SCAPER: variants seen among roughly 807,000 people sequenced by gnomAD.
The protein encoded by SCAPER is S-phase cyclin A associated protein in the ER.
SCAPER carries 98 observed loss-of-function variants against 182.2 expected under a neutral mutation model. That is an observed-to-expected ratio of 0.54 (90% CI 0.46 to 0.64). The LOEUF (loss-of-function observed/expected upper bound fraction) is 0.64. Among genes scored for constraint, SCAPER ranks in the 30% least tolerant of loss-of-function variants. The pLI, the probability that SCAPER is intolerant of heterozygous loss-of-function variation, is 0.00. For synonymous variants in SCAPER, 605 were observed against 564.6 expected, an observed-to-expected ratio of 1.07 and a Z score of -1.01; for missense variants, 1,432 against 1,690.0, an observed-to-expected ratio of 0.85 and a Z score of 2.68.
intron 20 of SCAPER, among the ~76,000 whole-genome samples, chr15:76,679,767 G>A (rs2057581424): frequency 6.6e-6 from 1 of 152,150 alleles, no homozygotes; most frequent in South Asian, 2.1e-4. Flanking sequence ...TCTGGTAGGT[G>A]GCAATGATGA....
chr15:76,588,543 C>A (rs147955621), intron 22 of SCAPER, among the ~76,000 whole-genome samples: 39 of 152,236 alleles, frequency 2.6e-4, no homozygotes, highest in Non-Finnish European at 4.9e-4. Context: ...GAATTCTTAC[C>A]CATTCTGCAA....
intron 21 of SCAPER, among the ~76,000 whole-genome samples, chr15:76,644,086 G>T (rs2054337332): frequency 6.6e-6 from 1 of 152,096 alleles, no homozygotes; most frequent in African/African-American, 2.4e-5. Flanking sequence ...GACTAGGCCG[G>T]CAGTTTTTAA....
intron 22 of SCAPER, among the ~76,000 whole-genome samples, chr15:76,585,666 A>G (rs894836009): frequency 2.0e-5 from 3 of 152,172 alleles, no homozygotes; most frequent in South Asian, 2.1e-4. Context: ...AGGTAAATCA[A>G]TTCTGAACCT....
chr15:76,489,968 C>A (rs1046532389), intron 24 of SCAPER, among the ~76,000 whole-genome samples: 2 of 152,148 alleles, frequency 1.3e-5, no homozygotes, highest in African/African-American at 4.8e-5. Context: ...TCACATATTG[C>A]AGGATTTCCT....
At chr15:76,711,104 A>C (rs1380908008) in intron 17 of SCAPER, among the ~76,000 whole-genome samples, 1 of 152,212 alleles carries the variant, frequency 6.6e-6, no homozygotes, top group South Asian at 2.1e-4. Flanking sequence ...TTCTTGAAGT[A>C]AACACAGAAG....
At chr15:76,419,261 G>A (rs373927196) in intron 26 of SCAPER, among the ~76,000 whole-genome samples, 7 of 151,630 alleles carry the variant, frequency 4.6e-5, no homozygotes, top group East Asian at 1.9e-4. Flanking sequence ...CCCAGGAGGC[G>A]GAGGCTGTGG....
Position 76,354,551 on chromosome 15 carries a change from T to G in SCAPER, c.3856-411A>C. 6.0e-6 allele frequency: 1 copy of G among 166,050 alleles called. No individual in the cohort carries two copies. Among genetic ancestry groups the G allele is most frequent in the Non-Finnish European group, 1.3e-5 (1 of 77,828 alleles). 10.3% of individuals were successfully genotyped at this position (166,050 alleles called of 1,614,324 possible). A position where few individuals can be genotyped will look rare whatever the true frequency, so the allele number is the denominator to read the frequency against. ...GAAAGTAAGGCCCTGCCCACTGCAG[T>G]CTTCCCTTAGCTTAGCTCACTGAAT... On this transcript the variant is annotated intron_variant, in intron 29 of 31. Transcript: ENST00000563290. This position sits in a 1 kb window ranked among gnomAD's most constrained non-coding sequence, Gnocchi z 4.4.
At chr15:76,379,411 G>C (rs1386339196) in intron 28 of SCAPER, among the ~76,000 whole-genome samples, 1 of 152,194 alleles carries the variant, frequency 6.6e-6, no homozygotes, top group African/African-American at 2.4e-5. Flanking sequence ...TTCCAAATGA[G>C]AGCCAGGGCA....
At chr15:76,626,403 T>A (rs1173984031) in intron 21 of SCAPER, among the ~76,000 whole-genome samples, 2 of 152,164 alleles carry the variant, frequency 1.3e-5, no homozygotes, top group Non-Finnish European at 2.9e-5. Context: ...AGGAAGAAGA[T>A]GACATAACAG....
In SCAPER at chr15:76,772,510, A is replaced by T. The variant is rs571903237; in HGVS notation, c.1036-556T>A. On this transcript the variant is annotated intron_variant, in intron 9 of 31. Transcript: ENST00000563290. ...CAAAGTATCTTTGTTAAAAATTCAT[A>T]TGGTACATGAACCCAATTCTCCGAT... Among the ~76,000 whole-genome samples, 29 of 152,000 alleles carry T rather than the reference A, an allele frequency of 1.9e-4. 1 individual carries two copies. The highest frequency in any genetic ancestry group is 7.0e-4 in the African/African-American group (29 of 41,438).
chr15:76,657,209 A>C (rs1459059469), intron 21 of SCAPER, among the ~76,000 whole-genome samples: 2 of 152,294 alleles, frequency 1.3e-5, no homozygotes, highest in Non-Finnish European at 2.9e-5. Context: ...GAAATGCCTA[A>C]GGGAACATTA....
chr15:76,798,011 C>T (rs917763098), intron 7 of SCAPER, among the ~76,000 whole-genome samples: 1 of 151,698 alleles, frequency 6.6e-6, no homozygotes, highest in African/African-American at 2.4e-5. Context: ...ACAGGAAGCC[C>T]GGACATTGGG....
intron 15 of SCAPER, among the ~76,000 whole-genome samples, chr15:76,741,695 A>T (rs927965589): frequency 5.9e-5 from 9 of 152,158 alleles, no homozygotes; most frequent in African/African-American, 2.2e-4. Flanking sequence ...TCAAGAAGAG[A>T]TTAAAAAGAA....
At chr15:76,382,525 A>T (rs911830861) in intron 27 of SCAPER, among the ~76,000 whole-genome samples, 1 of 152,108 alleles carries the variant, frequency 6.6e-6, no homozygotes, top group Non-Finnish European at 1.5e-5. Flanking sequence ...TATGTGAAGC[A>T]TCTAGAGGCC....
chr15:76,439,537 T>C (rs930004245), intron 25 of SCAPER, among the ~76,000 whole-genome samples: 1 of 152,342 alleles, frequency 6.6e-6, no homozygotes, highest in East Asian at 1.9e-4. Context: ...TTAATATGCA[T>C]GAAATATGCA....
At chr15:76,435,672 G>A (rs1157132453) in intron 25 of SCAPER, among the ~76,000 whole-genome samples, 1 of 152,148 alleles carries the variant, frequency 6.6e-6, no homozygotes, top group Non-Finnish European at 1.5e-5. Context: ...AAGAGTGCAT[G>A]GGAAGAAACA....
In SCAPER at chr15:76,574,206, A is replaced by G. The variant is rs747044197; in HGVS notation, c.2790T>C (p.Ser930=). 20 of 1,611,046 alleles carry G rather than the reference A, an allele frequency of 1.2e-5. No homozygotes were observed. The highest frequency in any genetic ancestry group is 2.7e-5 in the African/African-American group (2 of 74,886). ...DSGSWANNKV[S]ALDRTLGEIT... Reference sequence around the variant, plus strand: ...TCTCTCCTAGGGTCCGATCCAAAGCAGACACTTTATTGTTTGCCCATGAGC... The same window carrying G: ...TCTCTCCTAGGGTCCGATCCAAAGCGGACACTTTATTGTTTGCCCATGAGC... The change falls in exon 23 of 32, where the codon TCT becomes TCC. Residue 930 remains serine (S), a synonymous_variant. Transcript: ENST00000563290.
chr15:76,645,617 T>G (rs1377798390), intron 21 of SCAPER, among the ~76,000 whole-genome samples: 1 of 152,082 alleles, frequency 6.6e-6, no homozygotes, highest in African/African-American at 2.4e-5. Flanking sequence ...ATACCTAAGT[T>G]TATCCTCCCT....
At chr15:76,520,654 G>T (rs778705359) in intron 23 of SCAPER, among the ~76,000 whole-genome samples, 6 of 151,602 alleles carry the variant, frequency 4.0e-5, no homozygotes, top group Non-Finnish European at 8.8e-5. Context: ...TCTCCTAAGT[G>T]CTGCCTTGCA....
Sources: allele counts gnomAD v4.1 joint callset (sites outside exome capture counted in the v4.1 genomes callset), GRCh38; gene constraint gnomAD v4.1.1; non-coding constraint Gnocchi (gnomAD v3.1); transcripts MANE v1.5; gene names NCBI Gene and HGNC (gene_info 2026-07-23, HGNC 2026-07-21).